Variants in IQSEC1 observed in about 807,000 individuals in gnomAD.
The protein encoded by IQSEC1 is IQ motif and SEC7 domain-containing protein 1.
A neutral mutation model predicts 91.0 loss-of-function variants in IQSEC1; 31 were observed. The observed-to-expected ratio is 0.34, with a 90% CI of 0.26 to 0.46. IQSEC1 has a LOEUF of 0.46. Ranked by LOEUF, IQSEC1 falls within the 20% of genes least tolerant of loss-of-function variation. The pLI is 1.00. For missense variants in IQSEC1, 1,388 were observed against 1,575.6 expected (o/e 0.88, Z 2.02); for synonymous variants, 699 against 662.6 (o/e 1.05, Z -0.84).
At chr3:13,179,674 C>T (rs1379276030) in intron 1 of IQSEC1, among the ~76,000 whole-genome samples, 1 of 152,282 alleles carries the variant, frequency 6.6e-6, no homozygotes, top group East Asian at 1.9e-4. Flanking sequence ...AGCCCTTCAG[C>T]CTGCCACGGC....
rs1700634844 is a variant in IQSEC1 at position 12,967,209 on chromosome 3, T to C, written c.24-25344A>G. Reference sequence around the variant, plus strand: ...GCACAAACTCGGGTCCTGTTTGCTCTTCTCTCACCCAAACCCACAGTCTGG... The same window carrying C: ...GCACAAACTCGGGTCCTGTTTGCTCCTCTCTCACCCAAACCCACAGTCTGG... On this transcript the variant is annotated intron_variant, in intron 1 of 13. Transcript: ENST00000613206. The surrounding 1 kb of genome is among the most constrained non-coding windows in gnomAD (Gnocchi z 5.9). Among the ~76,000 whole-genome samples the C allele has an allele frequency of 6.6e-6, 1 of 152,172 alleles. No individual in the cohort carries two copies.
In IQSEC1 at chr3:13,193,481, G is replaced by A. The variant is rs2125038212; in HGVS notation, c.273-29348C>T. Among the ~76,000 whole-genome samples the A allele has an allele frequency of 6.6e-6, 1 of 152,298 alleles. No homozygotes were observed. The highest frequency in any genetic ancestry group is 1.5e-5 in the Non-Finnish European group (1 of 68,018). On this transcript the variant is annotated intron_variant, in intron 1 of 15. Coordinates refer to the IQSEC1 transcript ENST00000648114. The surrounding 1 kb of genome is among the most constrained non-coding windows in gnomAD (Gnocchi z 4.2). ...GAGCACGCTGGGGGATGAAGGATGTGGACGGTCGGGTGGTGACTGGGAACA... is the reference window on the plus strand; with the variant it reads ...GAGCACGCTGGGGGATGAAGGATGTAGACGGTCGGGTGGTGACTGGGAACA...
At chr3:13,186,179 T>C (rs1693928471) in intron 1 of IQSEC1, among the ~76,000 whole-genome samples, 1 of 152,148 alleles carries the variant, frequency 6.6e-6, no homozygotes. Flanking sequence ...TAATTGAGGA[T>C]CCTCAGCCAC....
At chr3:13,159,558 C>G (rs1707134733) in intron 2 of IQSEC1, among the ~76,000 whole-genome samples, 1 of 152,202 alleles carries the variant, frequency 6.6e-6, no homozygotes, top group Non-Finnish European at 1.5e-5. Flanking sequence ...TGGTGCACAG[C>G]ATCCCACCTT....
At position 12,908,130 on chromosome 3, in the gene IQSEC1, A is replaced by G. The variant is rs1351834079; in HGVS notation, c.2755+219T>C. Among the ~76,000 whole-genome samples, 2 of 152,202 alleles carry G rather than the reference A, an allele frequency of 1.3e-5. No individual in the cohort carries two copies. The highest frequency in any genetic ancestry group is 2.1e-4 in the South Asian group (1 of 4,834). On this transcript the variant is annotated intron_variant, in intron 12 of 13. Transcript: ENST00000613206. This position sits in a 1 kb window ranked among gnomAD's most constrained non-coding sequence, Gnocchi z 4.9. The stretch of plus-strand genomic sequence containing the variant: ...GACTTCCCCAGCTAATTCGTGTGCA[A>G]TGCCTTTCTTTTTGACGTTTGGGTC...
intron 1 of IQSEC1, among the ~76,000 whole-genome samples, chr3:13,221,996 G>A (rs1460833012): frequency 1.3e-5 from 2 of 152,220 alleles, no homozygotes. Flanking sequence ...AACCCCCAGA[G>A]GAGTGTCCCC....
At chr3:13,083,891 G>A (rs923833479) in intron 2 of IQSEC1, among the ~76,000 whole-genome samples, 1 of 152,226 alleles carries the variant, frequency 6.6e-6, no homozygotes, top group Non-Finnish European at 1.5e-5. Context: ...AATATCTCTC[G>A]GTCCCCACTT....
chr3:13,225,601 C>T (rs1287224031), intron 1 of IQSEC1, among the ~76,000 whole-genome samples: 1 of 152,176 alleles, frequency 6.6e-6, no homozygotes, highest in African/African-American at 2.4e-5. Context: ...ATGTGCTAGA[C>T]ACAGGCTGGG....
chr3:13,203,620 C>G (rs544305806), intron 1 of IQSEC1, among the ~76,000 whole-genome samples: 1 of 152,344 alleles, frequency 6.6e-6, no homozygotes, highest in South Asian at 2.1e-4. Flanking sequence ...ACCCCACCAG[C>G]AGCCGAAACA....
rs543170925 is a variant in IQSEC1 at position 13,113,864 on chromosome 3, G to A, written c.302+50240C>T. On this transcript the variant is annotated intron_variant, in intron 2 of 15. Transcript: ENST00000648114. ...GAAAGCGAAACAGTGGAAGCACCCC[G>A]ATGGCCATCCATGGCGGACTGGCTA... Among the ~76,000 whole-genome samples, 21 of 152,232 alleles carry A rather than the reference G, an allele frequency of 1.4e-4. No homozygotes were observed. In the South Asian group the frequency reaches 3.1e-3, roughly 23 times the overall value.
chr3:13,177,413 G>C (rs1044798085), intron 1 of IQSEC1, among the ~76,000 whole-genome samples: 3 of 152,222 alleles, frequency 2.0e-5, no homozygotes, highest in Non-Finnish European at 4.4e-5. Flanking sequence ...GCCCAGAAAA[G>C]GGACAGGCCA....
intron 2 of IQSEC1, among the ~76,000 whole-genome samples, chr3:13,149,740 C>T (rs1323505920): frequency 1.3e-5 from 2 of 152,108 alleles, no homozygotes; most frequent in African/African-American, 4.8e-5. Context: ...CCCCTCTGTC[C>T]GCTGCCCCAA....
At chr3:12,911,580 G>A (rs368233860) in intron 10 of IQSEC1, 49 bp downstream of exon 10, 25 of 1,390,598 alleles carry the variant, frequency 1.8e-5, no homozygotes, top group Admixed American at 6.7e-5. Flanking sequence ...GAGAAAGAGC[G>A]TAAGCTGGGA....
intron 2 of IQSEC1, among the ~76,000 whole-genome samples, chr3:13,084,934 A>T (rs636377): frequency 2.8e-4 from 42 of 148,638 alleles, no homozygotes; most frequent in African/African-American, 1.0e-3. Flanking sequence ...AAGGCCTGAA[A>T]ATGTCACCAA....
At chr3:13,215,257 GA>G (rs1694522338) in intron 1 of IQSEC1, among the ~76,000 whole-genome samples, 1 of 151,908 alleles carries the variant, frequency 6.6e-6, no homozygotes, top group African/African-American at 2.4e-5. Context: ...TGGCTGACCA[GA>G]GGCCTTGCCC....
In IQSEC1 at chr3:12,913,412, T is replaced by A. The variant is rs112547450; in HGVS notation, c.2316+16A>T. ...TTGAGGTCCCTGCTACAATGCCTTG[T>A]GGGTGAGCCACATACCACCAGGAGG... is the stretch of plus-strand genomic sequence containing the variant. On this transcript the variant is annotated intron_variant, in intron 9 of 13. Transcript: ENST00000613206. 232 of 1,580,418 alleles carry A rather than the reference T, an allele frequency of 1.5e-4. No individual in the cohort carries two copies. In the African/African-American group the frequency reaches 2.8e-3, roughly 19 times the overall value.
At chr3:13,089,988 GGT>G (rs1382407921) in intron 2 of IQSEC1, among the ~76,000 whole-genome samples, 1 of 152,220 alleles carries the variant, frequency 6.6e-6, no homozygotes, top group African/African-American at 2.4e-5. Context: ...GGCCAAGGCG[GGT>G]GGATCACGAG....
chr3:13,026,859 C>A (rs531620716), intron 1 of IQSEC1, among the ~76,000 whole-genome samples: 103 of 134,988 alleles, frequency 7.6e-4, no homozygotes, highest in African/African-American at 2.6e-3. Flanking sequence ...GTTATTATCT[C>A]CCCAGTTTTT....
rs1696886492 is a variant in IQSEC1, at chr3:12,924,045, A to AGGGGC, written c.1730+531_1730+535dup. Reference sequence around the variant, plus strand: ...AATATCCCAGCCGGGAGAATGAGGCAGGGGCAGAGCGTGGCACGGGCCGCC... The same window carrying AGGGGC: ...AATATCCCAGCCGGGAGAATGAGGCAGGGGCGGGGCAGAGCGTGGCACGGGCCGCC... On this transcript the variant is annotated intron_variant, in intron 4 of 13. Coordinates refer to ENST00000613206, the MANE Select transcript of IQSEC1 (RefSeq NM_001134382.3). This position sits in a 1 kb window ranked among gnomAD's most constrained non-coding sequence, Gnocchi z 6.3. Among the ~76,000 whole-genome samples the AGGGGC allele has an allele frequency of 6.6e-6, 1 of 152,042 alleles. No individual in the cohort carries two copies.
Sources: gnomAD v4.1 joint callset for allele counts (sites outside exome capture counted in the v4.1 genomes callset) on GRCh38, gnomAD v4.1.1 for gene constraint, Gnocchi (gnomAD v3.1) non-coding constraint, MANE v1.5 for transcripts, NCBI Gene and HGNC (gene_info 2026-07-23, HGNC 2026-07-21) for gene names.